IMMP2L: variants seen among roughly 807,000 people sequenced by gnomAD.
The protein encoded by IMMP2L is mitochondrial inner membrane protease subunit 2.
A neutral mutation model predicts 19.3 loss-of-function variants in IMMP2L; 18 were observed. The observed-to-expected ratio is 0.93, with a 90% CI of 0.64 to 1.38. IMMP2L has a LOEUF of 1.38. Among genes scored for constraint, IMMP2L ranks in the 40% most tolerant of loss-of-function variants. The probability of loss-of-function intolerance (pLI) is 0.00; values close to 1 mark genes in which losing one functional copy is unlikely to be tolerated. For synonymous variants in IMMP2L, 76 were observed against 73.0 expected (o/e 1.04, Z -0.21); for missense variants, 233 against 218.2 (o/e 1.07, Z -0.43).
chr7:111,328,325 A>G (rs887533561), intron 3 of IMMP2L, among the ~76,000 whole-genome samples: 1 of 151,796 alleles, frequency 6.6e-6, no homozygotes, highest in African/African-American at 2.4e-5. Flanking sequence ...TGCAATTATG[A>G]CATATTACAA....
chr7:111,109,200 C>T (rs1045803890), intron 3 of IMMP2L, among the ~76,000 whole-genome samples: 30 of 151,672 alleles, frequency 2.0e-4, no homozygotes, highest in African/African-American at 7.2e-4. Context: ...ATTTTCAGTA[C>T]AATTTAACAT....
intron 3 of IMMP2L, among the ~76,000 whole-genome samples, chr7:111,039,936 C>T (rs946138143): frequency 2.6e-5 from 4 of 152,116 alleles, no homozygotes; most frequent in East Asian, 1.9e-4. Context: ...GAGGCCGAGG[C>T]GGGTGGATCA....
In IMMP2L at chr7:111,235,603, G is replaced by A. The variant is rs184963672; in HGVS notation, c.239+251635C>T. 1.3e-3 allele frequency among the ~76,000 whole-genome samples: 198 copies of A among 151,842 alleles called. 2 individuals carry two copies. The highest frequency in any genetic ancestry group is 2.3e-3 in the Admixed American group (35 of 15,252). ...ATCTTTGTTACTCTGTACCTGATACGTCTCTTTTTTTTGGCCTTCTTTTAA... is the reference window on the plus strand; with the variant it reads ...ATCTTTGTTACTCTGTACCTGATACATCTCTTTTTTTTGGCCTTCTTTTAA... On this transcript the variant is annotated intron_variant, in intron 3 of 5. Coordinates refer to ENST00000405709, the MANE Select transcript of IMMP2L (RefSeq NM_032549.4).
chr7:110,938,810 C>G (rs1029513198), intron 4 of IMMP2L, among the ~76,000 whole-genome samples: 3 of 151,916 alleles, frequency 2.0e-5, no homozygotes, highest in Admixed American at 2.0e-4. Flanking sequence ...ATATGCAGTT[C>G]CTACCAGAAG....
intron 3 of IMMP2L, among the ~76,000 whole-genome samples, chr7:111,469,615 C>A (rs1195082028): frequency 2.6e-5 from 4 of 152,152 alleles, no homozygotes; most frequent in East Asian, 3.9e-4. Context: ...CAAAAACAAG[C>A]AACGGGGAAA....
At chr7:110,786,180 A>G (rs565250494) in intron 5 of IMMP2L, among the ~76,000 whole-genome samples, 1 of 152,120 alleles carries the variant, frequency 6.6e-6, no homozygotes, top group South Asian at 2.1e-4. Flanking sequence ...AAATTAGTTT[A>G]GTCTAATGTT....
At chr7:111,497,421 TA>T in intron 2 of IMMP2L, among the ~76,000 whole-genome samples, 1 of 152,258 alleles carries the variant, frequency 6.6e-6, no homozygotes, top group South Asian at 2.1e-4. Context: ...TCAATACCAA[TA>T]ATAGGAAACT....
At chr7:111,262,110 G>A (rs1044831207) in intron 3 of IMMP2L, among the ~76,000 whole-genome samples, 10 of 152,060 alleles carry the variant, frequency 6.6e-5, no homozygotes, top group African/African-American at 2.2e-4. Flanking sequence ...AACCTACTAT[G>A]GCTGGGTATC....
At chr7:111,097,633 C>G (rs530974108) in intron 3 of IMMP2L, among the ~76,000 whole-genome samples, 1 of 151,804 alleles carries the variant, frequency 6.6e-6, no homozygotes, top group South Asian at 2.1e-4. Context: ...TTCAAACATA[C>G]AATTCATGTT....
intron 3 of IMMP2L, among the ~76,000 whole-genome samples, chr7:111,382,133 G>A (rs1831258291): frequency 6.6e-6 from 1 of 151,736 alleles, no homozygotes; most frequent in Non-Finnish European, 1.5e-5. Context: ...AAGGTCAAGG[G>A]TCCAAGACAG....
At position 111,327,900 on chromosome 7, in the gene IMMP2L, G is replaced by T. The variant is rs796492230; in HGVS notation, c.239+159338C>A. ...TCCTGATTTCAGTGTGGAAATGAGGGTTTTAACTACATACCTGAATCACCT... is the reference window on the plus strand; with the variant it reads ...TCCTGATTTCAGTGTGGAAATGAGGTTTTTAACTACATACCTGAATCACCT... On this transcript the variant is annotated intron_variant, in intron 3 of 5. Coordinates refer to ENST00000405709, the MANE Select transcript of IMMP2L (RefSeq NM_032549.4). Among the ~76,000 whole-genome samples the T allele has an allele frequency of 7.3e-5, 11 of 151,632 alleles. No homozygotes were observed. In the East Asian group the frequency reaches 2.1e-3, roughly 29 times the overall value.
At chr7:111,375,704 A>C (rs1187932162) in intron 3 of IMMP2L, among the ~76,000 whole-genome samples, 1 of 151,920 alleles carries the variant, frequency 6.6e-6, no homozygotes, top group Admixed American at 6.6e-5. Context: ...TTATATTTCT[A>C]GTAGAGATGG....
intron 3 of IMMP2L, among the ~76,000 whole-genome samples, chr7:111,157,243 G>A (rs1364858072): frequency 6.6e-6 from 1 of 152,028 alleles, no homozygotes; most frequent in Non-Finnish European, 1.5e-5. Context: ...CCACAGGAAG[G>A]AAATCAATAC....
chr7:111,054,877 G>T (rs942166153), intron 3 of IMMP2L, among the ~76,000 whole-genome samples: 14 of 152,146 alleles, frequency 9.2e-5, no homozygotes, highest in African/African-American at 3.1e-4. Flanking sequence ...AGATAGAAGA[G>T]AATTCCTAGT....
At chr7:111,070,661 A>G (rs1243611312) in intron 3 of IMMP2L, among the ~76,000 whole-genome samples, 1 of 152,172 alleles carries the variant, frequency 6.6e-6, no homozygotes, top group Non-Finnish European at 1.5e-5. Context: ...TGAAATCACT[A>G]ATACACTGAG....
Position 111,010,606 on chromosome 7 carries a change from G to A in IMMP2L, c.240-47041C>T, listed in dbSNP as rs552647241. 1.4e-4 allele frequency among the ~76,000 whole-genome samples: 22 copies of A among 152,132 alleles called. No homozygotes were observed. The South Asian group carries it at 4.4e-3, about 30-fold the overall frequency. ...TGATCACAGTTTACGAAATTGTTGCGCTACAGGGAATGTATAGATCCAGGC... is the reference window on the plus strand; with the variant it reads ...TGATCACAGTTTACGAAATTGTTGCACTACAGGGAATGTATAGATCCAGGC... On this transcript the variant is annotated intron_variant, in intron 3 of 5. Coordinates refer to ENST00000405709, the MANE Select transcript of IMMP2L (RefSeq NM_032549.4).
intron 3 of IMMP2L, among the ~76,000 whole-genome samples, chr7:111,153,484 A>C (rs1407157432): frequency 1.3e-5 from 2 of 152,062 alleles, no homozygotes; most frequent in South Asian, 4.1e-4. Context: ...TTTGATTTAC[A>C]ATATAAACTA....
chr7:111,348,255 T>C (rs1236935392), intron 3 of IMMP2L, among the ~76,000 whole-genome samples: 1 of 151,916 alleles, frequency 6.6e-6, no homozygotes, highest in Non-Finnish European at 1.5e-5. Flanking sequence ...ACCTGCACAT[T>C]GTGCACATGT....
At chr7:110,670,903 A>G (rs923073025) in intron 5 of IMMP2L, among the ~76,000 whole-genome samples, 6 of 152,212 alleles carry the variant, frequency 3.9e-5, no homozygotes, top group Non-Finnish European at 8.8e-5. Flanking sequence ...TGAACAACCA[A>G]CCTAACATCT....
Sources: allele counts gnomAD v4.1 joint callset (sites outside exome capture counted in the v4.1 genomes callset), GRCh38; gene constraint gnomAD v4.1.1; transcripts MANE v1.5; gene names NCBI Gene and HGNC (gene_info 2026-07-23, HGNC 2026-07-21).